The following SH3RF1 variants were observed in gnomAD, a reference collection of about 807,000 sequenced individuals.
SH3RF1 encodes the protein SH3 domain containing ring finger 1.
In SH3RF1, 32 loss-of-function variants were observed where a neutral mutation model predicts 74.0. The observed-to-expected ratio is 0.43, with a 90% CI of 0.33 to 0.58. The LOEUF is 0.58. Ranked by LOEUF, SH3RF1 falls within the 20% of genes least tolerant of loss-of-function variation. The pLI is 0.05. For missense variants in SH3RF1, 954 were observed against 1,130.9 expected, an observed-to-expected ratio of 0.84 and a Z score of 2.24; for synonymous variants, 396 against 439.6, an observed-to-expected ratio of 0.90 and a Z score of 1.24.
intron 2 of SH3RF1, among the ~76,000 whole-genome samples, chr4:169,226,610 A>G (rs1730656291): frequency 6.6e-6 from 1 of 152,214 alleles, no homozygotes; most frequent in African/African-American, 2.4e-5. Context: ...AGATACAGAA[A>G]GGCACACAAC....
At chr4:169,268,787 T>C (rs906162692) in intron 2 of SH3RF1, 33 bp downstream of exon 2, 3 of 1,526,450 alleles carry the variant, frequency 2.0e-6, no homozygotes, top group Admixed American at 2.2e-5. Flanking sequence ...ATTACCACCT[T>C]TATTCACCAA....
intron 10 of SH3RF1, 86 bp from the exon 11 acceptor site, chr4:169,107,291 C>T: frequency 8.0e-7 from 1 of 1,248,228 alleles, no homozygotes; most frequent in South Asian, 1.7e-5. Flanking sequence ...TTCATTACTA[C>T]TTTTTAATTT....
chr4:169,215,894 C>T (rs1213202998), intron 2 of SH3RF1, among the ~76,000 whole-genome samples: 1 of 152,014 alleles, frequency 6.6e-6, no homozygotes, highest in Non-Finnish European at 1.5e-5. Context: ...GCCTCAACCT[C>T]CTGAGCTCAA....
At chr4:169,203,124 C>A (rs528374580) in intron 2 of SH3RF1, among the ~76,000 whole-genome samples, 1 of 152,296 alleles carries the variant, frequency 6.6e-6, no homozygotes, top group South Asian at 2.1e-4. Flanking sequence ...GACCAAACGT[C>A]TCACAGAAAA....
intron 2 of SH3RF1, among the ~76,000 whole-genome samples, chr4:169,265,536 C>T (rs1014356452): frequency 1.2e-4 from 18 of 152,074 alleles, no homozygotes; most frequent in Non-Finnish European, 1.2e-4. Context: ...TGCAAGGGTG[C>T]GATCTCAGCT....
chr4:169,168,443 T>C (rs532934451), intron 2 of SH3RF1, among the ~76,000 whole-genome samples: 36 of 152,230 alleles, frequency 2.4e-4, no homozygotes, highest in Non-Finnish European at 3.8e-4. Context: ...GAGATAAAGA[T>C]GATAAAAGTG....
intron 2 of SH3RF1, among the ~76,000 whole-genome samples, chr4:169,222,540 C>A (rs1432474663): frequency 6.7e-6 from 1 of 149,528 alleles, no homozygotes; most frequent in Non-Finnish European, 1.5e-5. Flanking sequence ...ATTAACTGTT[C>A]TGTATATTTT....
At chr4:169,157,939 A>C (rs1734087245) in intron 2 of SH3RF1, among the ~76,000 whole-genome samples, 2 of 149,048 alleles carry the variant, frequency 1.3e-5, no homozygotes, top group East Asian at 3.9e-4. Context: ...GGGTCTCGCC[A>C]TGTTGGCCAG....
At chr4:169,199,799 A>G (rs2660425) in intron 2 of SH3RF1, among the ~76,000 whole-genome samples, 71,486 of 152,000 alleles carry the variant, frequency 0.47, 18,100 homozygotes, top group East Asian at 0.78. Context: ...TATAAATAAA[A>G]TATTAAGGTA....
At chr4:169,148,862 T>C (rs1434636411) in intron 4 of SH3RF1, among the ~76,000 whole-genome samples, 1 of 152,196 alleles carries the variant, frequency 6.6e-6, no homozygotes, top group Admixed American at 6.5e-5. Flanking sequence ...TGATGAGCTG[T>C]AAAGAGAGCA....
intron 11 of SH3RF1, among the ~76,000 whole-genome samples, chr4:169,106,459 G>T (rs889442073): frequency 6.7e-6 from 1 of 149,662 alleles, no homozygotes; most frequent in Non-Finnish European, 1.5e-5. Context: ...AGCAGGAAAC[G>T]ATGTAAATTT....
chr4:169,239,029 A>G lies in SH3RF1; in HGVS notation c.393+29791T>C, dbSNP rs76811846. Among the ~76,000 whole-genome samples the G allele has an allele frequency of 4.0e-3, 601 of 151,978 alleles. 5 individuals carry two copies. The highest frequency in any genetic ancestry group is 0.014 in the African/African-American group (576 of 41,342). On this transcript the variant is annotated intron_variant, in intron 2 of 11. Coordinates refer to ENST00000284637, the MANE Select transcript of SH3RF1 (RefSeq NM_020870.4). ...CATGTCAGTCCTCTATTCACTCTCA[A>G]AAATGATGGCTTAACTGCACAGTGC...
chr4:169,180,086 G>A (rs2706716), intron 2 of SH3RF1, among the ~76,000 whole-genome samples: 8,668 of 152,270 alleles, frequency 0.057, 283 homozygotes, highest in Admixed American at 0.1. Flanking sequence ...AAAACTTGTA[G>A]TTCCAGTGCT....
chr4:169,194,285 T>C (rs1474101783), intron 2 of SH3RF1, among the ~76,000 whole-genome samples: 4 of 152,202 alleles, frequency 2.6e-5, no homozygotes, highest in Non-Finnish European at 4.4e-5. Context: ...GAAACACTCA[T>C]GGAACAACCA....
intron 2 of SH3RF1, among the ~76,000 whole-genome samples, chr4:169,206,571 A>C (rs1579137628): frequency 6.6e-6 from 1 of 152,212 alleles, no homozygotes; most frequent in Non-Finnish European, 1.5e-5. Flanking sequence ...ACTTTAAATA[A>C]GTGAAGTCAA....
At chr4:169,225,842 G>A (rs1447780962) in intron 2 of SH3RF1, among the ~76,000 whole-genome samples, 3 of 152,144 alleles carry the variant, frequency 2.0e-5, no homozygotes, top group African/African-American at 7.2e-5. Context: ...GATTGAAGTT[G>A]CAGGATGATA....
chr4:169,246,847 T>C (rs943933845), intron 2 of SH3RF1, among the ~76,000 whole-genome samples: 4 of 152,224 alleles, frequency 2.6e-5, no homozygotes, highest in Non-Finnish European at 5.9e-5. Context: ...TTTTCATCTA[T>C]AAAATAATTC....
intron 10 of SH3RF1, among the ~76,000 whole-genome samples, chr4:169,109,610 T>G (rs887253933): frequency 1.3e-5 from 2 of 152,214 alleles, no homozygotes; most frequent in African/African-American, 4.8e-5. Context: ...CAGAAGAATG[T>G]TCCACTTGAG....
At chr4:169,148,394 T>C (rs928867107) in intron 4 of SH3RF1, among the ~76,000 whole-genome samples, 1 of 152,170 alleles carries the variant, frequency 6.6e-6, no homozygotes, top group Non-Finnish European at 1.5e-5. Context: ...TCATAAAAAC[T>C]GATGTTTAGT....
Sources: gnomAD v4.1 joint callset for allele counts (sites outside exome capture counted in the v4.1 genomes callset) on GRCh38, gnomAD v4.1.1 for gene constraint, MANE v1.5 for transcripts, NCBI Gene and HGNC (gene_info 2026-07-23, HGNC 2026-07-21) for gene names.